Variants in TAF2 observed in about 807,000 individuals in gnomAD.
The protein encoded by TAF2 is TATA-box binding protein associated factor 2.
TAF2 carries 61 observed loss-of-function variants against 138.5 expected under a neutral mutation model. The ratio of observed to expected loss-of-function variants is 0.44; its 90% CI spans 0.36 to 0.54. The LOEUF (loss-of-function observed/expected upper bound fraction) is 0.54. TAF2 is among the 20% of genes least tolerant of loss of function. The pLI is 0.00. For synonymous variants in TAF2, 475 were observed against 469.9 expected, an observed-to-expected ratio of 1.01 and a Z score of -0.14; for missense variants, 1,090 against 1,427.9, an observed-to-expected ratio of 0.76 and a Z score of 3.81.
At chr8:119,771,474 A>C (rs748267885) in intron 18 of TAF2, among the ~76,000 whole-genome samples, 3 of 152,064 alleles carry the variant, frequency 2.0e-5, no homozygotes, top group Non-Finnish European at 2.9e-5. Flanking sequence ...GACTTCAAGC[A>C]ATCTGCCCTC....
In TAF2 at chr8:119,801,811, C is replaced by T; in HGVS notation, c.775G>A (p.Asp259Asn). 1.2e-6 allele frequency: 2 copies of T among 1,614,010 alleles called. No homozygotes were observed. Among genetic ancestry groups the T allele is most frequent in the African/African-American group, 1.3e-5 (1 of 75,006 alleles). The stretch of plus-strand genomic sequence containing the variant: ...TGACTTACCTCATGCATGTATGGAT[C>T]TACCAGTATTTCAAATGGTCCAATG... ...LAIGPFEILVDPYMHEVTHFC... is the reference protein window; with the variant it reads ...LAIGPFEILVNPYMHEVTHFC... Residue 259 changes from aspartate to asparagine, a missense_variant, in exon 6 of 26, where the codon GAT (aspartate) becomes AAT (asparagine). By Grantham distance (23) the Asp-to-Asn change is conservative. This residue lies in a region of TAF2 where 504 missense variants were observed against 680.9 expected (regional missense o/e 0.74). Coordinates refer to ENST00000378164, the MANE Select transcript of TAF2 (RefSeq NM_003184.4).
chr8:119,813,655 A>G (rs565801616), intron 3 of TAF2, among the ~76,000 whole-genome samples: 13 of 152,254 alleles, frequency 8.5e-5, no homozygotes, highest in Non-Finnish European at 1.6e-4. Context: ...AACATGAGGA[A>G]TGGTTGAGAG....
Position 119,788,814 on chromosome 8 carries a change from T to C in TAF2, c.1659A>G (p.Thr553=), listed in dbSNP as rs756534229. The C allele has an allele frequency of 8.7e-6, 14 of 1,613,656 alleles. No homozygotes were observed. The African/African-American group carries it at 1.6e-4, about 18-fold the overall frequency. The change falls in exon 13 of 26, where the codon ACA becomes ACG. Residue 553 remains threonine, a synonymous_variant. Transcript: ENST00000378164. ...CCACGTATTTCTGAGTTCCAGGAGA[T>C]GTATAGTCCTGTTTTATTTCCAGTT... The part of the protein sequence containing the change: ...VLELEIKQDY[T]SPGTQKYVGP...
At chr8:119,772,548 G>A (rs1466501537) in intron 18 of TAF2, among the ~76,000 whole-genome samples, 1 of 152,072 alleles carries the variant, frequency 6.6e-6, no homozygotes, top group Non-Finnish European at 1.5e-5. Flanking sequence ...AAACCCAACT[G>A]TTAGGTAACA....
chr8:119,783,271 A>G, intron 16 of TAF2, 110 bp downstream of exon 16: 5 of 1,378,928 alleles, frequency 3.6e-6, no homozygotes, highest in Non-Finnish European at 3.9e-6. Context: ...AAAAGCTTTC[A>G]AAGAATCAGC....
chr8:119,732,463 T>C (rs770629744), intron 25 of TAF2, among the ~76,000 whole-genome samples: 5 of 152,154 alleles, frequency 3.3e-5, no homozygotes, highest in Non-Finnish European at 7.3e-5. Context: ...ATTAATATTT[T>C]CTAAGTATTA....
rs560495336 is a variant in TAF2 at position 119,795,523 on chromosome 8, T to A, written c.1191+9A>T. On this transcript the variant is annotated intron_variant, in intron 9 of 25. Transcript: ENST00000378164. ...CTTGTAAGTGGATAAGGGATCTAGCTGTTATTACCTCTTTAATCCAATGGC... is the reference window on the plus strand; with the variant it reads ...CTTGTAAGTGGATAAGGGATCTAGCAGTTATTACCTCTTTAATCCAATGGC... 1 of 1,606,596 alleles carries A rather than the reference T, an allele frequency of 6.2e-7. No individual in the cohort carries two copies. Among genetic ancestry groups the A allele is most frequent in the South Asian group, 1.1e-5 (1 of 90,940 alleles).
At chr8:119,793,598 GT>G in intron 9 of TAF2, 147 bp from the exon 10 acceptor site, 1 of 657,950 alleles carries the variant, frequency 1.5e-6, no homozygotes, top group Non-Finnish European at 2.6e-6. Context: ...TTAAAGAGTA[GT>G]TTATGTTCTT....
intron 18 of TAF2, among the ~76,000 whole-genome samples, chr8:119,769,930 T>G (rs957859505): frequency 6.6e-6 from 1 of 151,970 alleles, no homozygotes; most frequent in African/African-American, 2.4e-5. Flanking sequence ...GCTAATTTTT[T>G]GTATTTTTAG....
At chr8:119,792,436 C>T (rs904108380) in intron 10 of TAF2, among the ~76,000 whole-genome samples, 1 of 152,046 alleles carries the variant, frequency 6.6e-6, no homozygotes, top group Non-Finnish European at 1.5e-5. Flanking sequence ...CAGGCATGAG[C>T]CCCCGCGCTG....
At chr8:119,734,666 G>T (rs1184060106) in intron 25 of TAF2, among the ~76,000 whole-genome samples, 1 of 152,070 alleles carries the variant, frequency 6.6e-6, no homozygotes, top group Non-Finnish European at 1.5e-5. Context: ...ACTATATTGG[G>T]ACTGGGGAAA....
chr8:119,803,749 TTG>T, intron 5 of TAF2, 127 bp downstream of exon 5: 1 of 984,148 alleles, frequency 1.0e-6, no homozygotes, highest in Non-Finnish European at 1.5e-6. Context: ...AGAAAGTAAT[TTG>T]AAAGAAGTCT....
At chr8:119,765,502 T>C (rs1443284938) in intron 18 of TAF2, among the ~76,000 whole-genome samples, 1 of 152,090 alleles carries the variant, frequency 6.6e-6, no homozygotes, top group Non-Finnish European at 1.5e-5. Flanking sequence ...AAAATGAGTA[T>C]GTTAAAGGAA....
intron 16 of TAF2, among the ~76,000 whole-genome samples, chr8:119,782,327 A>C (rs1822723650): frequency 6.6e-6 from 1 of 152,182 alleles, no homozygotes; most frequent in Non-Finnish European, 1.5e-5. Flanking sequence ...CAAAAAATGA[A>C]ATTATGATTA....
rs1385628382 is a variant in TAF2 at position 119,783,457 on chromosome 8, A to G, written c.2036T>C (p.Leu679Pro). The G allele has an allele frequency of 1.2e-6, 2 of 1,614,162 alleles. No individual in the cohort carries two copies. The change falls in exon 16 of 26, where the codon CTT (leucine) becomes CCT (proline). Residue 679 changes from leucine to proline, a missense_variant. Physicochemically the swap from Leu to Pro is moderately conservative, Grantham distance 98. Coordinates refer to ENST00000378164, the MANE Select transcript of TAF2 (RefSeq NM_003184.4). ...TTGTTCTAATATATCAGTGAGTGCA[A>G]GCCGAGATGCTGGAGTAGGGAATTT... is the stretch of plus-strand genomic sequence containing the variant. Reference protein sequence around the residue: ...LEKFPTPASRLALTDILEQEQ... With the variant: ...LEKFPTPASRPALTDILEQEQ...
chr8:119,790,597 A>G (rs1823354364), intron 11 of TAF2, among the ~76,000 whole-genome samples: 1 of 152,198 alleles, frequency 6.6e-6, no homozygotes, highest in Admixed American at 6.5e-5. Context: ...TTTGGTTTCC[A>G]CTCGCAACTA....
chr8:119,801,890 T>G lies in TAF2; in HGVS notation c.696A>C (p.Lys232Asn), dbSNP rs1586480530. ...ETVYTHDMRK[K>N]TFHYMLTIPT... ...GAATGGTAAGCATATAATGGAAAGT[T>G]TTCTTCCTCATATCATGAGTATACA... is the stretch of plus-strand genomic sequence containing the variant. Residue 232 changes from lysine (K) to asparagine (N), a missense_variant, in exon 6 of 26, where the codon AAA (lysine) becomes AAC (asparagine). Lys to Asn is a moderately conservative substitution (Grantham distance 94). Coordinates refer to ENST00000378164, the MANE Select transcript of TAF2 (RefSeq NM_003184.4). The G allele has an allele frequency of 6.2e-7, 1 of 1,614,144 alleles. No homozygotes were observed. Among genetic ancestry groups the G allele is most frequent in the Non-Finnish European group, 8.5e-7 (1 of 1,180,006 alleles).
chr8:119,759,058 T>C (rs1820885704), intron 20 of TAF2, among the ~76,000 whole-genome samples: 1 of 152,072 alleles, frequency 6.6e-6, no homozygotes, highest in Non-Finnish European at 1.5e-5. Flanking sequence ...TATCCATACA[T>C]CTTGGGAAAG....
intron 25 of TAF2, among the ~76,000 whole-genome samples, chr8:119,733,993 AG>A (rs1203505897): frequency 6.6e-6 from 1 of 152,124 alleles, no homozygotes; most frequent in Non-Finnish European, 1.5e-5. Flanking sequence ...TTGCCCCCAA[AG>A]GGTTACTTGG....
Sources: gnomAD v4.1 joint callset for allele counts (sites outside exome capture counted in the v4.1 genomes callset) on GRCh38, gnomAD v4.1.1 for gene constraint, gnomAD v4.1.1 regional missense constraint, MANE v1.5 for transcripts, NCBI Gene and HGNC (gene_info 2026-07-23, HGNC 2026-07-21) for gene names.